FBF1: variants seen among roughly 807,000 people sequenced by gnomAD.
FBF1 encodes fas-binding factor 1.
A neutral mutation model predicts 147.2 loss-of-function variants in FBF1; 119 were observed. That is an observed-to-expected ratio of 0.81 (90% CI 0.70 to 0.94). The LOEUF is 0.94. Among genes scored for constraint, FBF1 ranks in the 40% least tolerant of loss-of-function variants. The probability of loss-of-function intolerance (pLI) is 0.00; values close to 1 mark genes in which losing one functional copy is unlikely to be tolerated. For synonymous variants in FBF1, 601 were observed against 609.0 expected (o/e 0.99, Z 0.19); for missense variants, 1,449 against 1,500.8 (o/e 0.97, Z 0.57).
intron 7 of FBF1, among the ~76,000 whole-genome samples, 170 bp downstream of exon 7, chr17:75,929,827 G>A (rs939877199): frequency 1.4e-4 from 21 of 152,110 alleles, no homozygotes; most frequent in African/African-American, 3.9e-4. Context: ...TACTCAGAAA[G>A]GCAAGGAGGC....
chr17:75,912,404 G>T, intron 28 of FBF1, 97 bp from the exon 29 acceptor site: 1 of 880,974 alleles, frequency 1.1e-6, no homozygotes. Context: ...CCGCCAGTGG[G>T]TGGACCCTGG....
chr17:75,931,646 T>TG (rs2065595128), intron 5 of FBF1, among the ~76,000 whole-genome samples: 1 of 151,884 alleles, frequency 6.6e-6, no homozygotes, highest in Admixed American at 6.6e-5. Flanking sequence ...TAGCCAGGCG[T>TG]GGTGGCGGGC....
chr17:75,917,666 T>C, intron 23 of FBF1, 66 bp downstream of exon 23: 1 of 1,420,656 alleles, frequency 7.0e-7, no homozygotes, highest in Non-Finnish European at 9.6e-7. Flanking sequence ...CCGCTACACT[T>C]GCGGGTGCCC....
chr17:75,913,103 A>G lies in FBF1; in HGVS notation c.3247+599T>C, dbSNP rs959729166. 5.7e-4 allele frequency among the ~76,000 whole-genome samples: 87 copies of G among 152,018 alleles called. 7 individuals are homozygous for G. ...TTATGCACCAAAATGTTAAAAGTGA[A>G]AAGTGGTTCTCTCAAGACTCAGGAG... On this transcript the variant is annotated intron_variant, in intron 28 of 29. Transcript: ENST00000636174.
rs886959323 is a variant in FBF1 at position 75,925,799 on chromosome 17, C to T, written c.868+231G>A. 6.6e-6 allele frequency among the ~76,000 whole-genome samples: 1 copy of T among 152,250 alleles called. No individual in the cohort carries two copies. Among genetic ancestry groups the T allele is most frequent in the African/African-American group, 2.4e-5 (1 of 41,476 alleles). On this transcript the variant is annotated intron_variant, in intron 12 of 29. Transcript: ENST00000636174. The surrounding 1 kb of genome is among the most constrained non-coding windows in gnomAD (Gnocchi z 5.0). ...GCTGAGAAACCAGCTTAATGTGTCA[C>T]AGCCAGTGTGTTTCCAAATCAAACA...
At chr17:75,913,855 T>C in intron 27 of FBF1, 36 bp from the exon 28 acceptor site, 2 of 1,575,748 alleles carry the variant, frequency 1.3e-6, no homozygotes, top group African/African-American at 1.3e-5. Context: ...GACTCAGCTG[T>C]GAGGTGGGAG....
At chr17:75,924,634 C>T (rs180756482) in intron 13 of FBF1, among the ~76,000 whole-genome samples, 17 of 152,250 alleles carry the variant, frequency 1.1e-4, no homozygotes, top group Admixed American at 5.9e-4. Context: ...CCCACCACCA[C>T]GCCCAGCTAA....
chr17:75,909,769 C>T lies in FBF1; in HGVS notation c.*954G>A, dbSNP rs1195586159. On this transcript the variant is annotated 3_prime_UTR_variant, in exon 30 of 30. Transcript: ENST00000636174. The stretch of plus-strand genomic sequence containing the variant: ...TTATAGGCTGATCTTTTAATAAGAA[C>T]ATCTGCCTGTTCTTTGGGACTTGTC... 1 of 627,204 alleles carries T rather than the reference C, an allele frequency of 1.6e-6. No individual in the cohort carries two copies. The highest frequency in any genetic ancestry group is 1.8e-5 in the African/African-American group (1 of 54,934). The allele number at this position is 627,204 out of a possible 1,614,324, so 38.9% of individuals were successfully genotyped here.
chr17:75,920,525 T>G, intron 17 of FBF1, 96 bp from the exon 18 acceptor site: 2 of 1,320,100 alleles, frequency 1.5e-6, no homozygotes, highest in Non-Finnish European at 2.1e-6. Flanking sequence ...TGGACCTCCC[T>G]GCATCTGATC....
At chr17:75,938,473 T>C (rs971146828) in intron 1 of FBF1, among the ~76,000 whole-genome samples, 4 of 147,282 alleles carry the variant, frequency 2.7e-5, no homozygotes, top group Non-Finnish European at 5.9e-5. Context: ...AGAGACTCGT[T>C]TGAACCGGGG....
In FBF1 at chr17:75,919,412, G is replaced by A. The variant is rs1027758549; in HGVS notation, c.2138+256C>T. Among the ~76,000 whole-genome samples, 22 of 151,032 alleles carry A rather than the reference G, an allele frequency of 1.5e-4. No individual in the cohort carries two copies. Among genetic ancestry groups the A allele is most frequent in the African/African-American group, 4.6e-4 (19 of 41,404 alleles). On this transcript the variant is annotated intron_variant, in intron 20 of 29. Coordinates refer to ENST00000636174, the MANE Select transcript of FBF1 (RefSeq NM_001319193.2). The surrounding 1 kb of genome is among the most constrained non-coding windows in gnomAD (Gnocchi z 5.0). ...CCCTGTGCTTAGTTAGACCCTAGGC[G>A]GCTTGCTGCTGCCATGCCATGCCTG...
rs773223352 is a variant in FBF1, at chr17:75,921,501, C to G, written c.1586G>C (p.Gly529Ala). ...GGCTGAGAGGTCTCCAGGGGCTGTTCCCCTCTTTGGGGAACCTGTAGGGAG... is the reference window on the plus strand; with the variant it reads ...GGCTGAGAGGTCTCCAGGGGCTGTTGCCCTCTTTGGGGAACCTGTAGGGAG... Reference protein sequence around the residue: ...SALPTGSPKRGTAPGDLSATE... With the variant: ...SALPTGSPKRATAPGDLSATE... Residue 529 changes from glycine to alanine, a missense_variant, in exon 16 of 30, where the codon GGA (glycine) becomes GCA (alanine). Gly to Ala is a moderately conservative substitution (Grantham distance 60). Coordinates refer to ENST00000636174, the MANE Select transcript of FBF1 (RefSeq NM_001319193.2). 6.2e-7 allele frequency: 1 copy of G among 1,613,032 alleles called. No individual in the cohort carries two copies. Among genetic ancestry groups the G allele is most frequent in the South Asian group, 1.1e-5 (1 of 90,852 alleles).
intron 28 of FBF1, among the ~76,000 whole-genome samples, chr17:75,913,070 G>A (rs1317125420): frequency 6.6e-6 from 1 of 151,272 alleles, no homozygotes; most frequent in African/African-American, 2.4e-5. Flanking sequence ...AAGTACCAGA[G>A]TGGAACATTA....
chr17:75,920,459 T>C (rs1315818495), intron 17 of FBF1, 30 bp from the exon 18 acceptor site: 1 of 1,580,178 alleles, frequency 6.3e-7, no homozygotes. Flanking sequence ...GTGTTTCTAG[T>C]TAGGGAGGGG....
chr17:75,910,701 G>T lies in FBF1; in HGVS notation c.*22C>A, dbSNP rs1347722905. 3 of 1,595,768 alleles carry T rather than the reference G, an allele frequency of 1.9e-6. No homozygotes were observed. The highest frequency in any genetic ancestry group is 2.3e-5 in the East Asian group (1 of 44,260). On this transcript the variant is annotated 3_prime_UTR_variant, in exon 30 of 30. Coordinates refer to ENST00000636174, the MANE Select transcript of FBF1 (RefSeq NM_001319193.2). This position sits in a 1 kb window ranked among gnomAD's most constrained non-coding sequence, Gnocchi z 4.1. ...AGTTCTGGGGTCCGAACCCTCTGTT[G>T]GGGAATCGGCTGGGGTCCCACTCAG...
intron 10 of FBF1, 45 bp downstream of exon 10, chr17:75,926,713 A>G (rs1450289820): frequency 3.2e-6 from 5 of 1,581,830 alleles, no homozygotes; most frequent in Non-Finnish European, 3.4e-6. Context: ...CTTGTTGCCA[A>G]TAAACTCTTC....
chr17:75,931,127 C>A (rs1226007251), intron 6 of FBF1, 102 bp downstream of exon 6: 1 of 1,207,592 alleles, frequency 8.3e-7, no homozygotes, highest in Admixed American at 2.2e-5. Flanking sequence ...AGTGACTTTG[C>A]AGGGACTTCT....
intron 4 of FBF1, among the ~76,000 whole-genome samples, chr17:75,934,773 GGAGGCT>G (rs1325433560): frequency 6.6e-6 from 1 of 151,478 alleles, no homozygotes; most frequent in Non-Finnish European, 1.5e-5. Context: ...CAGCTACTCA[GGAGGCT>G]GAGGCAGGAG....
Position 75,926,442 on chromosome 17 carries a change from AG to A in FBF1, c.596-17del. On this transcript the variant is annotated splice_polypyrimidine_tract_variant and intron_variant, in intron 10 of 29. Coordinates refer to ENST00000636174, the MANE Select transcript of FBF1 (RefSeq NM_001319193.2). ...ATAGAGGGACCTGAAAGACAAAACA[AG>A]GCCCAATGCCTGCAGCCTTCTTGCC... The A allele has an allele frequency of 6.5e-7, 1 of 1,541,094 alleles. No individual in the cohort carries two copies. The highest frequency in any genetic ancestry group is 1.3e-5 in the South Asian group (1 of 77,686).
Sources: allele counts gnomAD v4.1 joint callset (sites outside exome capture counted in the v4.1 genomes callset), GRCh38; gene constraint gnomAD v4.1.1; non-coding constraint Gnocchi (gnomAD v3.1); transcripts MANE v1.5; gene names NCBI Gene and HGNC (gene_info 2026-07-23, HGNC 2026-07-21).